Variants in PCDH15 observed in about 807,000 individuals in gnomAD.
PCDH15 encodes protocadherin related 15.
In PCDH15, 129 loss-of-function variants were observed where a neutral mutation model predicts 178.5. The observed-to-expected ratio is 0.72, with a 90% confidence interval of 0.63 to 0.84. The LOEUF is 0.84. PCDH15 is among the 40% of genes least tolerant of loss of function. The probability of loss-of-function intolerance (pLI) is 0.00; values close to 1 mark genes in which losing one functional copy is unlikely to be tolerated. For missense variants in PCDH15, 2,230 were observed against 2,099.9 expected (o/e 1.06, Z -1.21); for synonymous variants, 800 against 732.0 (o/e 1.09, Z -1.50).
intron 2 of PCDH15, among the ~76,000 whole-genome samples, chr10:55,421,504 A>C (rs1343129810): frequency 6.7e-6 from 1 of 149,920 alleles, no homozygotes; most frequent in Non-Finnish European, 1.5e-5. Context: ...AAATCATTTC[A>C]TATAGCATAC....
At chr10:54,025,418 C>T (rs2093052093) in intron 18 of PCDH15, among the ~76,000 whole-genome samples, 3 of 151,910 alleles carry the variant, frequency 2.0e-5, no homozygotes, top group Non-Finnish European at 1.5e-5. Flanking sequence ...GAGATCCCCA[C>T]TTCCTTGATG....
intron 2 of PCDH15, among the ~76,000 whole-genome samples, chr10:55,030,266 C>T (rs1840577375): frequency 6.6e-6 from 1 of 152,172 alleles, no homozygotes; most frequent in Non-Finnish European, 1.5e-5. Context: ...CCATTATCAT[C>T]ATGTGTGGGA....
intron 21 of PCDH15, among the ~76,000 whole-genome samples, chr10:53,974,515 G>A (rs1212249039): frequency 6.6e-6 from 1 of 151,962 alleles, no homozygotes; most frequent in African/African-American, 2.4e-5. Flanking sequence ...CTGTCATCAT[G>A]CTCATATGTT....
intron 1 of PCDH15, among the ~76,000 whole-genome samples, chr10:54,690,326 T>TG (rs2095097825): frequency 6.6e-6 from 1 of 151,102 alleles, no homozygotes; most frequent in African/African-American, 2.4e-5. Context: ...TTTTTTTTTT[T>TG]TTGAGATGGA....
At chr10:54,657,418 A>C (rs2135331661) in intron 2 of PCDH15, among the ~76,000 whole-genome samples, 1 of 152,326 alleles carries the variant, frequency 6.6e-6, no homozygotes, top group South Asian at 2.1e-4. Context: ...TCTTATGCTT[A>C]AGTGCCATCA....
chr10:55,382,084 T>C (rs1237058581), intron 2 of PCDH15, among the ~76,000 whole-genome samples: 1 of 152,184 alleles, frequency 6.6e-6, no homozygotes, highest in South Asian at 2.1e-4. Context: ...AATTTCACCT[T>C]CTTAAGCCTG....
intron 1 of PCDH15, among the ~76,000 whole-genome samples, chr10:54,715,029 T>A (rs2095463810): frequency 6.6e-6 from 1 of 152,098 alleles, no homozygotes; most frequent in Non-Finnish European, 1.5e-5. Flanking sequence ...AGCACATATT[T>A]GTTTGCCAAG....
rs748002565 is a variant in PCDH15, at chr10:55,343,949, A to C, written c.-155-177298T>G. 9.9e-5 allele frequency among the ~76,000 whole-genome samples: 15 copies of C among 152,264 alleles called. No homozygotes were observed. In the South Asian group the frequency reaches 1.7e-3, roughly 17 times the overall value. On this transcript the variant is annotated intron_variant, in intron 2 of 5. Coordinates refer to the PCDH15 transcript ENST00000613346. ...AAATATATTGAATGATATTTGGCGG[A>C]GGTTGCAGAGAAAAATAAAGCATAA...
chr10:54,056,195 T>C (rs1414790156), intron 18 of PCDH15, among the ~76,000 whole-genome samples: 1 of 152,170 alleles, frequency 6.6e-6, no homozygotes, highest in East Asian at 1.9e-4. Flanking sequence ...AATCAGGGAA[T>C]TTGGGGTGTC....
intron 2 of PCDH15, chr10:54,600,790 A>G (rs1230584698): frequency 4.7e-6 from 2 of 423,920 alleles, no homozygotes; most frequent in East Asian, 1.1e-4. Context: ...CAGACATTGT[A>G]TTTTACTTTG....
At chr10:54,736,513 C>T (rs1944147500) in intron 1 of PCDH15, among the ~76,000 whole-genome samples, 1 of 150,968 alleles carries the variant, frequency 6.6e-6, no homozygotes, top group Non-Finnish European at 1.5e-5. Context: ...TATCTTCTTT[C>T]TAAGAATACT....
chr10:54,152,949 T>C (rs1006928704), intron 14 of PCDH15, 151 bp downstream of exon 14: 16 of 913,242 alleles, frequency 1.8e-5, no homozygotes, highest in Non-Finnish European at 1.7e-5. Context: ...AATCAGAATA[T>C]GCATGCAGTT....
At chr10:53,845,763 A>G (rs759960918) in intron 28 of PCDH15, among the ~76,000 whole-genome samples, 4 of 151,730 alleles carry the variant, frequency 2.6e-5, no homozygotes, top group Non-Finnish European at 5.9e-5. Flanking sequence ...TAATGGATAC[A>G]AAAATACAGA....
intron 2 of PCDH15, among the ~76,000 whole-genome samples, chr10:54,570,642 C>T (rs2089678298): frequency 6.6e-6 from 1 of 151,752 alleles, no homozygotes; most frequent in East Asian, 1.9e-4. Flanking sequence ...AAGTGCTTCA[C>T]TTGTGTCCAT....
chr10:54,271,921 C>T (rs888517359), intron 8 of PCDH15, among the ~76,000 whole-genome samples: 2 of 148,508 alleles, frequency 1.3e-5, no homozygotes, highest in African/African-American at 5.0e-5. Context: ...GTTTGTCATC[C>T]TTAGAGCCAG....
chr10:54,945,351 T>TATATA (rs36018565), intron 2 of PCDH15, among the ~76,000 whole-genome samples: 15,831 of 137,884 alleles, frequency 0.11, 1,128 homozygotes, highest in Non-Finnish European at 0.17. Context: ...GATAGATAGA[T>TATATA]GATAGATAGA....
intron 1 of PCDH15, among the ~76,000 whole-genome samples, chr10:54,713,317 T>C (rs1462719114): frequency 6.6e-6 from 1 of 152,030 alleles, no homozygotes; most frequent in Non-Finnish European, 1.5e-5. Flanking sequence ...CAAAATTAAA[T>C]TTCAAAACTC....
chr10:55,477,625 C>T (rs182864181), intron 2 of PCDH15, among the ~76,000 whole-genome samples: 119 of 151,972 alleles, frequency 7.8e-4, no homozygotes, highest in African/African-American at 2.6e-3. Flanking sequence ...CTTGTGATTT[C>T]GCAAGAGATG....
At chr10:54,488,447 A>G (rs986460888) in intron 3 of PCDH15, among the ~76,000 whole-genome samples, 2 of 151,012 alleles carry the variant, frequency 1.3e-5, no homozygotes, top group African/African-American at 4.9e-5. Context: ...TTTTTAAGGT[A>G]TGGTAAAAAA....
Sources: gnomAD v4.1 joint callset for allele counts (sites outside exome capture counted in the v4.1 genomes callset) on GRCh38, gnomAD v4.1.1 for gene constraint, MANE v1.5 for transcripts, NCBI Gene and HGNC (gene_info 2026-07-23, HGNC 2026-07-21) for gene names.